CASQ2: variants seen among roughly 807,000 people sequenced by gnomAD.
CASQ2 encodes calsequestrin 2.
CASQ2 carries 49 observed loss-of-function variants against 46.5 expected under a neutral mutation model. The observed-to-expected ratio is 1.05, with a 90% CI of 0.84 to 1.34. CASQ2 has a LOEUF of 1.34. Among genes scored for constraint, CASQ2 ranks in the 40% most tolerant of loss-of-function variants. The probability of loss-of-function intolerance (pLI) is 0.00; values close to 1 mark genes in which losing one functional copy is unlikely to be tolerated. For missense variants in CASQ2, 486 were observed against 481.3 expected, an observed-to-expected ratio of 1.01 and a Z score of -0.09; for synonymous variants, 174 against 168.5, an observed-to-expected ratio of 1.03 and a Z score of -0.25.
chr1:115,702,542 C>G (rs1654238939), intron 10 of CASQ2, among the ~76,000 whole-genome samples: 1 of 152,232 alleles, frequency 6.6e-6, no homozygotes, highest in Non-Finnish European at 1.5e-5. Flanking sequence ...GGATTCTAGG[C>G]CACAACGGCC....
At chr1:115,704,955 A>G (rs1387282659) in intron 9 of CASQ2, among the ~76,000 whole-genome samples, 2 of 152,098 alleles carry the variant, frequency 1.3e-5, no homozygotes, top group Non-Finnish European at 2.9e-5. Context: ...CTTGGGTGGG[A>G]CCCCGAGGGT....
intron 2 of CASQ2, among the ~76,000 whole-genome samples, chr1:115,742,359 T>C (rs1476753795): frequency 2.0e-5 from 3 of 152,184 alleles, no homozygotes; most frequent in Non-Finnish European, 4.4e-5. Flanking sequence ...CTGTTGGATT[T>C]TGTCTTGAGC....
chr1:115,753,413 G>A (rs764664718), intron 1 of CASQ2, among the ~76,000 whole-genome samples: 15 of 152,292 alleles, frequency 9.8e-5, no homozygotes, highest in South Asian at 2.1e-4. Flanking sequence ...ATGTTGCAGG[G>A]AGTCAAGGAG....
At chr1:115,743,566 T>C (rs1372923847) in intron 2 of CASQ2, among the ~76,000 whole-genome samples, 1 of 152,166 alleles carries the variant, frequency 6.6e-6, no homozygotes, top group Non-Finnish European at 1.5e-5. Flanking sequence ...TTTCCTATAA[T>C]TTAAATCTTT....
At chr1:115,730,114 C>T (rs911507778) in intron 5 of CASQ2, among the ~76,000 whole-genome samples, 6 of 152,228 alleles carry the variant, frequency 3.9e-5, no homozygotes, top group African/African-American at 7.2e-5. Flanking sequence ...TAAACCTCCA[C>T]ACCCTTTAAA....
intron 2 of CASQ2, 109 bp downstream of exon 2, chr1:115,744,719 T>C: frequency 1.3e-6 from 1 of 753,298 alleles, no homozygotes; most frequent in South Asian, 1.5e-5. Flanking sequence ...TCATTTTATA[T>C]ATTTTAAAAG....
chr1:115,751,596 C>G (rs1249143865), intron 1 of CASQ2, among the ~76,000 whole-genome samples: 2 of 151,970 alleles, frequency 1.3e-5, no homozygotes. Context: ...GGCGTGAGCC[C>G]TGGAGGTGGA....
At position 115,736,380 on chromosome 1, in the gene CASQ2, T is replaced by TA. The variant is rs1290514425; in HGVS notation, c.532+1843dup. 1.7e-4 allele frequency among the ~76,000 whole-genome samples: 26 copies of TA among 152,076 alleles called. 1 individual carries two copies. In the South Asian group the frequency reaches 5.0e-3, roughly 29 times the overall value. On this transcript the variant is annotated intron_variant, in intron 4 of 10. Coordinates refer to ENST00000261448, the MANE Select transcript of CASQ2 (RefSeq NM_001232.4). ...GGTTGGGCACAGTGGCTCATGCCTG[T>TA]AATCCAAGCACTTTGGGAGGCTGAG... is the stretch of plus-strand genomic sequence containing the variant.
At chr1:115,745,530 T>G (rs1052105302) in intron 1 of CASQ2, among the ~76,000 whole-genome samples, 2 of 152,112 alleles carry the variant, frequency 1.3e-5, no homozygotes, top group Non-Finnish European at 2.9e-5. Context: ...GATGGACAGA[T>G]AGCTGAAAAC....
At chr1:115,762,879 C>T (rs1010497069) in intron 1 of CASQ2, among the ~76,000 whole-genome samples, 2 of 152,138 alleles carry the variant, frequency 1.3e-5, no homozygotes, top group Non-Finnish European at 2.9e-5. Flanking sequence ...AGGCTGGGTG[C>T]TAGGCAGAAA....
chr1:115,737,130 T>C (rs922547744), intron 4 of CASQ2, among the ~76,000 whole-genome samples: 2 of 152,092 alleles, frequency 1.3e-5, no homozygotes, highest in African/African-American at 2.4e-5. Context: ...CCCAGAGTAG[T>C]CAGCACTGAT....
chr1:115,767,765 G>A (rs1348890943), intron 1 of CASQ2, among the ~76,000 whole-genome samples: 1 of 152,084 alleles, frequency 6.6e-6, no homozygotes, highest in African/African-American at 2.4e-5. Context: ...TGAATATGCT[G>A]CTCAGAAGAT....
chr1:115,740,662 G>C, intron 3 of CASQ2, 66 bp downstream of exon 3: 1 of 1,038,086 alleles, frequency 9.6e-7, no homozygotes, highest in Non-Finnish European at 1.5e-6. Context: ...TTTCTTTGGG[G>C]TTCTATCTCT....
chr1:115,733,097 T>C, intron 4 of CASQ2, 123 bp from the exon 5 acceptor site: 1 of 666,252 alleles, frequency 1.5e-6, no homozygotes, highest in South Asian at 1.9e-5. Flanking sequence ...ATTTAGTAGG[T>C]ATTGTTTACA....
At chr1:115,763,047 T>C (rs1424828535) in intron 1 of CASQ2, among the ~76,000 whole-genome samples, 1 of 152,234 alleles carries the variant, frequency 6.6e-6, no homozygotes, top group Non-Finnish European at 1.5e-5. Context: ...CCTTGCCCAA[T>C]GTGAACTTGG....
At position 115,725,529 on chromosome 1, in the gene CASQ2, T is replaced by C. The variant is rs753016201; in HGVS notation, c.762A>G (p.Pro254=). The C allele has an allele frequency of 6.4e-6, 10 of 1,573,114 alleles. 1 individual carries two copies. The South Asian group carries it at 1.1e-4, about 17-fold the overall frequency. ...HQRPTLRRLR[P]EEMFETWEDD... is the part of the protein sequence containing the mutation. ...TTACCCATGTTTCAAACATTTCTTCTGGGCGCAGGCGACGTAGAGTGGGTC... is the reference window on the plus strand; with the variant it reads ...TTACCCATGTTTCAAACATTTCTTCCGGGCGCAGGCGACGTAGAGTGGGTC... Residue 254 remains proline (P), a synonymous_variant, in exon 7 of 11, where the codon CCA becomes CCG. Coordinates refer to ENST00000261448, the MANE Select transcript of CASQ2 (RefSeq NM_001232.4).
At chr1:115,754,876 C>T (rs1415632693) in intron 1 of CASQ2, among the ~76,000 whole-genome samples, 2 of 152,340 alleles carry the variant, frequency 1.3e-5, no homozygotes, top group East Asian at 1.9e-4. Context: ...CCCCACTACA[C>T]TAAGTCAGTG....
intron 2 of CASQ2, among the ~76,000 whole-genome samples, chr1:115,741,070 T>A (rs189957717): frequency 3.7e-4 from 57 of 152,362 alleles, no homozygotes; most frequent in Admixed American, 3.3e-3. Flanking sequence ...AAGTCTATTC[T>A]CCACTCCACC....
intron 2 of CASQ2, among the ~76,000 whole-genome samples, chr1:115,744,469 G>A (rs934714716): frequency 1.3e-5 from 2 of 152,176 alleles, no homozygotes; most frequent in Non-Finnish European, 2.9e-5. Context: ...TGAAAGAAGA[G>A]AATTTTTAAC....
Sources: allele counts gnomAD v4.1 joint callset (sites outside exome capture counted in the v4.1 genomes callset), GRCh38; gene constraint gnomAD v4.1.1; transcripts MANE v1.5; gene names NCBI Gene and HGNC (gene_info 2026-07-23, HGNC 2026-07-21).